The following VPS9D1 variants were observed in gnomAD, a reference collection of about 807,000 sequenced individuals.
VPS9D1 encodes VPS9 domain-containing protein 1.
A neutral mutation model predicts 75.8 loss-of-function variants in VPS9D1; 78 were observed. That is an observed-to-expected ratio of 1.03 (90% CI 0.86 to 1.24). The LOEUF is 1.24. VPS9D1 is among the 50% of genes most tolerant of loss of function. The pLI is 0.00. For missense variants in VPS9D1, 1,057 were observed against 847.7 expected, an observed-to-expected ratio of 1.25 and a Z score of -3.07; for synonymous variants, 481 against 385.6, an observed-to-expected ratio of 1.25 and a Z score of -2.90.
Position 89,719,418 on chromosome 16 carries a change from T to C in VPS9D1, c.100-316A>G, listed in dbSNP as rs532527371. 377 of 495,656 alleles carry C rather than the reference T, an allele frequency of 7.6e-4. 6 individuals carry two copies. The highest frequency in any genetic ancestry group is 5.6e-3 in the South Asian group (361 of 64,670). The allele number at this position is 495,656 out of a possible 1,614,324, so 30.7% of individuals were successfully genotyped here. A position where few individuals can be genotyped will look rare whatever the true frequency, so the allele number is the denominator to read the frequency against. ...TCCAGCACAGGAACTGATATTCTCATTCAGTGGGCCTGGGGAAGTGACCTC... is the reference window on the plus strand; with the variant it reads ...TCCAGCACAGGAACTGATATTCTCACTCAGTGGGCCTGGGGAAGTGACCTC... On this transcript the variant is annotated intron_variant, in intron 1 of 14. Coordinates refer to ENST00000389386, the MANE Select transcript of VPS9D1 (RefSeq NM_004913.3).
At chr16:89,712,208 A>T (rs2060948246) in intron 6 of VPS9D1, 109 bp from the exon 7 acceptor site, 1 of 1,482,782 alleles carries the variant, frequency 6.7e-7, no homozygotes, top group Non-Finnish European at 9.2e-7. Context: ...CCTCTCGGTG[A>T]GGGGCTGTCC....
At position 89,711,424 on chromosome 16, in the gene VPS9D1, G is replaced by A. The variant is rs1181849568; in HGVS notation, c.748-12C>T. ...TGCTTCGGCCAGTCCTACGGGACAGGGGGCCTTGAAGGAAAGCACGGTGGG... is the reference window on the plus strand; with the variant it reads ...TGCTTCGGCCAGTCCTACGGGACAGAGGGCCTTGAAGGAAAGCACGGTGGG... On this transcript the variant is annotated splice_polypyrimidine_tract_variant and intron_variant, in intron 8 of 14. Coordinates refer to ENST00000389386, the MANE Select transcript of VPS9D1 (RefSeq NM_004913.3). The A allele has an allele frequency of 1.3e-6, 2 of 1,598,466 alleles. No individual in the cohort carries two copies. The highest frequency in any genetic ancestry group is 1.3e-5 in the African/African-American group (1 of 74,686).
intron 1 of VPS9D1, 79 bp downstream of exon 1, chr16:89,720,684 C>T (rs1202045188): frequency 1.5e-6 from 2 of 1,294,728 alleles, no homozygotes; most frequent in African/African-American, 1.6e-5. Context: ...CCGAGCCGGC[C>T]CCGTCCTCGC....
intron 2 of VPS9D1, chr16:89,717,196 G>A (rs1181262583): frequency 3.8e-6 from 1 of 260,968 alleles, no homozygotes; most frequent in South Asian, 3.5e-5. Flanking sequence ...TGGACCCCAG[G>A]CAAGTCCCCC....
intron 4 of VPS9D1, 123 bp from the exon 5 acceptor site, chr16:89,712,839 A>T: frequency 1.2e-6 from 1 of 864,050 alleles, no homozygotes; most frequent in Non-Finnish European, 1.7e-6. Context: ...AGAGGAGGGG[A>T]GCCATCTGGG....
chr16:89,709,064 G>T, intron 12 of VPS9D1, 108 bp from the exon 13 acceptor site: 2 of 1,374,754 alleles, frequency 1.5e-6, no homozygotes, highest in South Asian at 1.3e-5. Flanking sequence ...GCTGGGAAGA[G>T]CCACGGTGAC....
intron 2 of VPS9D1, 28 bp downstream of exon 2, chr16:89,718,999 C>T (rs779873342): frequency 1.9e-6 from 3 of 1,603,974 alleles, no homozygotes; most frequent in Non-Finnish European, 2.6e-6. Flanking sequence ...CAGGCGTGAG[C>T]CACCGCGCCC....
At chr16:89,710,052 C>T in intron 10 of VPS9D1, 146 bp from the exon 11 acceptor site, 3 of 1,161,516 alleles carry the variant, frequency 2.6e-6, no homozygotes, top group South Asian at 1.6e-5. Context: ...CTCCTCGGCC[C>T]AGGGCAGGGA....
intron 4 of VPS9D1, among the ~76,000 whole-genome samples, chr16:89,714,057 C>G (rs1739542070): frequency 6.6e-6 from 1 of 152,072 alleles, no homozygotes; most frequent in African/African-American, 2.4e-5. Context: ...CTGCCTCAGC[C>G]TCCCGAGTAG....
In VPS9D1 at chr16:89,709,860, T is replaced by C; in HGVS notation, c.1305A>G (p.Thr435=). ...CCAGGCAGCGGTCCTTGGAGGCAGC[T>C]GTGTTTAGGCCTTCGAAGGCCAGAA... ...LTLLAFEGLN[T]AASKDRCLAC... The change falls in exon 11 of 15, where the codon ACA becomes ACG. Residue 435 remains threonine (T), a synonymous_variant. Transcript: ENST00000389386. 1 of 1,613,634 alleles carries C rather than the reference T, an allele frequency of 6.2e-7. No individual in the cohort carries two copies. Among genetic ancestry groups the C allele is most frequent in the East Asian group, 2.2e-5 (1 of 44,884 alleles).
intron 4 of VPS9D1, among the ~76,000 whole-genome samples, chr16:89,714,395 G>A (rs1334472912): frequency 6.6e-6 from 1 of 152,218 alleles, no homozygotes; most frequent in Non-Finnish European, 1.5e-5. Flanking sequence ...ATTAGTCTGT[G>A]ACCCATGAAA....
chr16:89,720,738 A>C, intron 1 of VPS9D1, 25 bp downstream of exon 1: 1 of 1,426,232 alleles, frequency 7.0e-7, no homozygotes, highest in Non-Finnish European at 9.2e-7. Flanking sequence ...CTCAGCGGCC[A>C]AGCCCCGCCC....
In VPS9D1 at chr16:89,718,994, G is replaced by T. The variant is rs569190031; in HGVS notation, c.175+33C>A. On this transcript the variant is annotated intron_variant, in intron 2 of 14. Transcript: ENST00000389386. Reference sequence around the variant, plus strand: ...CTCCCACAGTGCTGGGATTACAGGCGTGAGCCACCGCGCCCGGCTGGCTGA... The same window carrying T: ...CTCCCACAGTGCTGGGATTACAGGCTTGAGCCACCGCGCCCGGCTGGCTGA... 2.1e-5 allele frequency: 34 copies of T among 1,595,470 alleles called. No individual in the cohort carries two copies. The African/African-American group carries it at 2.4e-4, about 11-fold the overall frequency.
At chr16:89,709,127 C>G in intron 12 of VPS9D1, 100 bp downstream of exon 12, 1 of 1,551,006 alleles carries the variant, frequency 6.4e-7, no homozygotes, top group Admixed American at 1.7e-5. Context: ...AACCTCCCCA[C>G]CGGCACGTGA....
rs1253432091 is a variant in VPS9D1 at position 89,716,356 on chromosome 16, ACT to A, written c.431+104_431+105del. The A allele has an allele frequency of 6.5e-6, 10 of 1,528,924 alleles. No homozygotes were observed. In the East Asian group the frequency reaches 1.8e-4, roughly 28 times the overall value. The allele number at this position is 1,528,924 out of a possible 1,614,324, so 94.7% of individuals were successfully genotyped here. Reference sequence around the variant, plus strand: ...ACTCCAGCCTGGGTGACAGAGTGAGACTCTGTCTCAAAAAACAAAAAAAAAAT... The same window carrying A: ...ACTCCAGCCTGGGTGACAGAGTGAGACTGTCTCAAAAAACAAAAAAAAAAT... On this transcript the variant is annotated intron_variant, in intron 4 of 14. Coordinates refer to ENST00000389386, the MANE Select transcript of VPS9D1 (RefSeq NM_004913.3).
Position 89,712,005 on chromosome 16 carries a change from G to A in VPS9D1, c.660-36C>T, listed in dbSNP as rs760959063. On this transcript the variant is annotated intron_variant, in intron 7 of 14. Coordinates refer to ENST00000389386, the MANE Select transcript of VPS9D1 (RefSeq NM_004913.3). Reference sequence around the variant, plus strand: ...AGGCACGCGGTGGGTGCCGGGGCCAGGCCCTCCCCGCAGCGGCCCCAGGGG... The same window carrying A: ...AGGCACGCGGTGGGTGCCGGGGCCAAGCCCTCCCCGCAGCGGCCCCAGGGG... The A allele has an allele frequency of 9.7e-6, 15 of 1,549,342 alleles. 1 individual carries two copies. In the South Asian group the frequency reaches 1.7e-4, roughly 17 times the overall value.
At chr16:89,714,941 G>C (rs765492688) in intron 4 of VPS9D1, among the ~76,000 whole-genome samples, 7 of 151,954 alleles carry the variant, frequency 4.6e-5, no homozygotes, top group Non-Finnish European at 1.0e-4. Context: ...CACCATGTTA[G>C]CCAGGCTGGT....
In VPS9D1 at chr16:89,708,947, A is replaced by G. The variant is rs2060852281; in HGVS notation, c.1607T>C (p.Leu536Pro). 2.5e-6 allele frequency: 4 copies of G among 1,602,732 alleles called. No homozygotes were observed. The highest frequency in any genetic ancestry group is 3.4e-6 in the Non-Finnish European group (4 of 1,176,110). ...QKKLECIVRT[L>P]RIICVCAEDY... ...TTCCGCACAGACACAGATGATCCGC[A>G]GGGTCCGCACTGCGCCCCAGACAGG... is the stretch of plus-strand genomic sequence containing the variant. Residue 536 changes from leucine (L) to proline (P), a missense_variant, in exon 13 of 15, where the codon CTG (leucine) becomes CCG (proline). Physicochemically the swap from Leu to Pro is moderately conservative, Grantham distance 98. Transcript: ENST00000389386.
chr16:89,718,783 C>G (rs1597937976), intron 2 of VPS9D1, among the ~76,000 whole-genome samples: 1 of 151,028 alleles, frequency 6.6e-6, no homozygotes, highest in African/African-American at 2.4e-5. Flanking sequence ...GGGGTGATCT[C>G]GGCTCACTGC....
Sources: gnomAD v4.1 joint callset for allele counts (sites outside exome capture counted in the v4.1 genomes callset) on GRCh38, gnomAD v4.1.1 for gene constraint, MANE v1.5 for transcripts, NCBI Gene and HGNC (gene_info 2026-07-23, HGNC 2026-07-21) for gene names.